Variants in POLA1 observed in about 807,000 individuals in gnomAD.
The protein encoded by POLA1 is DNA polymerase alpha catalytic subunit.
In POLA1, 15 loss-of-function variants were observed where a neutral mutation model predicts 124.0. The ratio of observed to expected loss-of-function variants is 0.12; its 90% CI spans 0.08 to 0.19. The LOEUF is 0.19. Ranked by LOEUF, POLA1 falls within the 10% of genes least tolerant of loss-of-function variation. The probability of loss-of-function intolerance (pLI) is 1.00; values close to 1 mark genes in which losing one functional copy is unlikely to be tolerated. For missense variants in POLA1, 886 were observed against 1,103.4 expected, an observed-to-expected ratio of 0.80 and a Z score of 2.79; for synonymous variants, 408 against 389.4, an observed-to-expected ratio of 1.05 and a Z score of -0.56.
chrX:24,737,941 C>T lies in POLA1; in HGVS notation c.2040+200C>T, dbSNP rs770723154. ...AGCCTCTGGTAGTTTTGGCCGGGCGCGGTGGCTCAAGCCTGTAATCCCAGC... is the reference window on the plus strand; with the variant it reads ...AGCCTCTGGTAGTTTTGGCCGGGCGTGGTGGCTCAAGCCTGTAATCCCAGC... On this transcript the variant is annotated intron_variant, in intron 19 of 36. Coordinates refer to ENST00000379068, the MANE Select transcript of POLA1 (RefSeq NM_001330360.2). Among the ~76,000 whole-genome samples, 37 of 99,597 alleles carry T rather than the reference C, an allele frequency of 3.7e-4. 5 individuals carry two copies. The highest frequency in any genetic ancestry group is 1.2e-3 in the African/African-American group (25 of 20,061). 86.5% of individuals were successfully genotyped at this position (99,597 alleles called of 115,157 possible). A position where few individuals can be genotyped will look rare whatever the true frequency, so the allele number is the denominator to read the frequency against.
chrX:24,985,897 C>T (rs1220655813), intron 36 of POLA1, among the ~76,000 whole-genome samples: 5 of 111,724 alleles, frequency 4.5e-5, no homozygotes, highest in Admixed American at 9.5e-5. Flanking sequence ...TCCAGCCAGG[C>T]GTGGTGGCTC....
At chrX:24,940,233 A>G (rs1045915724) in intron 36 of POLA1, among the ~76,000 whole-genome samples, 1 of 112,014 alleles carries the variant, frequency 8.9e-6, no homozygotes, top group Non-Finnish European at 1.9e-5. Flanking sequence ...TAAAAATTGC[A>G]CAGTGAAACA....
At chrX:24,813,595 C>G (rs1004110412) in intron 29 of POLA1, among the ~76,000 whole-genome samples, 1 of 112,149 alleles carries the variant, frequency 8.9e-6, no homozygotes, top group Non-Finnish European at 1.9e-5. Flanking sequence ...GGGAAGATCA[C>G]TTGAGGTCAG....
chrX:24,978,439 C>CT (rs773691494), intron 36 of POLA1, among the ~76,000 whole-genome samples: 1 of 111,711 alleles, frequency 9.0e-6, no homozygotes, highest in East Asian at 2.8e-4. Flanking sequence ...AGAAAGAGTT[C>CT]TTTTTTCTTT....
intron 4 of POLA1, among the ~76,000 whole-genome samples, chrX:24,705,689 C>T: frequency 9.1e-6 from 1 of 110,240 alleles, no homozygotes; most frequent in Non-Finnish European, 1.9e-5. Context: ...AGAACAGCAA[C>T]ACCTCCCCCC....
intron 19 of POLA1, 80 bp from the exon 20 acceptor site, chrX:24,739,295 C>A: frequency 1.5e-6 from 1 of 673,705 alleles, no homozygotes; most frequent in Non-Finnish European, 2.3e-6. Context: ...TAATTTTGGG[C>A]CAGCTTCAAA....
At chrX:24,838,320 C>T (rs907859184) in intron 32 of POLA1, among the ~76,000 whole-genome samples, 4 of 111,631 alleles carry the variant, frequency 3.6e-5, no homozygotes, top group Non-Finnish European at 1.9e-5. Context: ...ACCCTCAACC[C>T]CAGCACAAAT....
At chrX:24,876,230 C>T (rs2046929305) in intron 34 of POLA1, among the ~76,000 whole-genome samples, 1 of 112,064 alleles carries the variant, frequency 8.9e-6, no homozygotes, top group Non-Finnish European at 1.9e-5. Context: ...CAAGCATATG[C>T]ATTTCAACAG....
At position 24,823,683 on chromosome X, in the gene POLA1, C is replaced by T. The variant is rs760599124; in HGVS notation, c.3561+2100C>T. Among the ~76,000 whole-genome samples, 45 of 112,616 alleles carry T rather than the reference C, an allele frequency of 4.0e-4. No individual in the cohort carries two copies. In the South Asian group the frequency reaches 0.013, roughly 31 times the overall value. The stretch of plus-strand genomic sequence containing the variant: ...TCTCCCAAAGTGCTGGGATTACAGG[C>T]GTGAGCCACTGCTCCTGGCCCATCA... On this transcript the variant is annotated intron_variant, in intron 31 of 36. Transcript: ENST00000379068.
At chrX:24,701,899 G>A (rs1349221202) in intron 2 of POLA1, among the ~76,000 whole-genome samples, 4 of 101,948 alleles carry the variant, frequency 3.9e-5, no homozygotes, top group African/African-American at 7.4e-5. Flanking sequence ...GATTACAGGC[G>A]CCCCCCACCA....
At chrX:24,788,566 G>A (rs765642632) in intron 26 of POLA1, 46 of 1,189,356 alleles carry the variant, frequency 3.9e-5, no homozygotes, top group Non-Finnish European at 5.0e-5. Flanking sequence ...AGACTAAGCC[G>A]TCTGCTTGAA....
At chrX:24,801,929 GT>G (rs2045716954) in intron 26 of POLA1, among the ~76,000 whole-genome samples, 2 of 93,576 alleles carry the variant, frequency 2.1e-5, no homozygotes, top group African/African-American at 4.1e-5. Flanking sequence ...GGGTGGGTGT[GT>G]GTGTGTGTGT....
intron 2 of POLA1, among the ~76,000 whole-genome samples, chrX:24,700,211 ATAT>A (rs775048309): frequency 9.1e-6 from 1 of 109,383 alleles, no homozygotes; most frequent in Admixed American, 9.9e-5. Context: ...TTGAACTAAC[ATAT>A]TATTCTAAGT....
chrX:24,890,403 T>C (rs747127874), intron 35 of POLA1, among the ~76,000 whole-genome samples: 1 of 111,865 alleles, frequency 8.9e-6, no homozygotes, highest in East Asian at 2.8e-4. Flanking sequence ...CCAAAAATTT[T>C]AAACACAAAT....
intron 35 of POLA1, among the ~76,000 whole-genome samples, chrX:24,896,485 G>T (rs1569353941): frequency 9.0e-6 from 1 of 110,776 alleles, no homozygotes; most frequent in African/African-American, 3.3e-5. Context: ...GTTTTGTTTT[G>T]TTTTTTTGCG....
intron 36 of POLA1, among the ~76,000 whole-genome samples, chrX:24,993,778 G>A (rs1418924789): frequency 8.9e-6 from 1 of 111,739 alleles, no homozygotes; most frequent in Non-Finnish European, 1.9e-5. Context: ...GCAAGTGGGA[G>A]CTTTTATCTG....
At chrX:24,950,356 C>A (rs2048020706) in intron 36 of POLA1, among the ~76,000 whole-genome samples, 1 of 111,998 alleles carries the variant, frequency 8.9e-6, no homozygotes, top group South Asian at 3.7e-4. Context: ...GACTGAGGAA[C>A]TGAATTTTCC....
At chrX:24,944,281 C>T (rs147449723) in intron 36 of POLA1, among the ~76,000 whole-genome samples, 2,018 of 111,300 alleles carry the variant, frequency 0.018, 23 homozygotes, top group Non-Finnish European at 0.028. Context: ...AAATTGCTTT[C>T]CCTATATGTG....
At chrX:24,905,379 TC>T (rs1008714100) in intron 35 of POLA1, among the ~76,000 whole-genome samples, 2 of 72,266 alleles carry the variant, frequency 2.8e-5, no homozygotes, top group Admixed American at 2.3e-4. Context: ...ACCAGGAAAA[TC>T]CTATAAGAAG....
Sources: gnomAD v4.1 joint callset for allele counts (sites outside exome capture counted in the v4.1 genomes callset) on GRCh38, gnomAD v4.1.1 for gene constraint, MANE v1.5 for transcripts, NCBI Gene and HGNC (gene_info 2026-07-23, HGNC 2026-07-21) for gene names.